Variants in NALF1 observed in about 807,000 individuals in gnomAD.
NALF1 encodes the protein family with sequence similarity 155 member A.
NALF1 carries 3 observed loss-of-function variants against 48.4 expected under a neutral mutation model. That is an observed-to-expected ratio of 0.06 (90% CI 0.03 to 0.16). NALF1 has a LOEUF of 0.16. NALF1 is among the 10% of genes least tolerant of loss of function. The pLI, the probability that NALF1 is intolerant of heterozygous loss-of-function variation, is 1.00. For synonymous variants in NALF1, 262 were observed against 245.7 expected (o/e 1.07, Z -0.62); for missense variants, 526 against 571.5 (o/e 0.92, Z 0.81).
intron 1 of NALF1, among the ~76,000 whole-genome samples, chr13:107,406,520 C>CA (rs1883902144): frequency 3.3e-5 from 5 of 151,644 alleles, no homozygotes; most frequent in African/African-American, 1.2e-4. Context: ...GATGACATAC[C>CA]AAAAAATGAA....
chr13:107,680,070 C>T (rs1881240076), intron 1 of NALF1, among the ~76,000 whole-genome samples: 2 of 152,146 alleles, frequency 1.3e-5, no homozygotes, highest in African/African-American at 4.8e-5. Context: ...CTTCAGAGTC[C>T]CTGCCTGAGT....
intron 1 of NALF1, among the ~76,000 whole-genome samples, chr13:107,379,615 A>G (rs1400105971): frequency 6.6e-6 from 1 of 152,130 alleles, no homozygotes; most frequent in East Asian, 1.9e-4. Flanking sequence ...GTTGCTAATG[A>G]CAGCACAGCC....
At chr13:107,469,024 T>G (rs899906807) in intron 1 of NALF1, among the ~76,000 whole-genome samples, 3 of 152,152 alleles carry the variant, frequency 2.0e-5, no homozygotes, top group African/African-American at 7.2e-5. Flanking sequence ...ATATGAACTT[T>G]AATATTTTCC....
At chr13:107,278,855 T>C (rs1210201946) in intron 1 of NALF1, among the ~76,000 whole-genome samples, 1 of 152,174 alleles carries the variant, frequency 6.6e-6, no homozygotes. Context: ...GAATTTGTTA[T>C]CTATTTTAAA....
In NALF1 at chr13:107,470,974, G is replaced by A. The variant is rs1470506878; in HGVS notation, c.916-260219C>T. 2.6e-5 allele frequency among the ~76,000 whole-genome samples: 4 copies of A among 152,270 alleles called. No individual in the cohort carries two copies. In the South Asian group the frequency reaches 8.3e-4, roughly 32 times the overall value. On this transcript the variant is annotated intron_variant, in intron 1 of 2. Transcript: ENST00000375915. ...TGCTAAAATGAAGGCCAAAAAACTG[G>A]TTTATGATTGAGCAAGAAAAATCAT...
chr13:107,693,981 G>A (rs898013142), intron 1 of NALF1, among the ~76,000 whole-genome samples: 1 of 152,202 alleles, frequency 6.6e-6, no homozygotes, highest in African/African-American at 2.4e-5. Context: ...TAACGTCACA[G>A]TATTGGAGAT....
intron 1 of NALF1, among the ~76,000 whole-genome samples, chr13:107,603,684 A>G (rs1437740807): frequency 2.0e-5 from 3 of 152,226 alleles, no homozygotes; most frequent in Admixed American, 2.0e-4. Context: ...GATTAAAACT[A>G]AAATCCTTGG....
intron 1 of NALF1, among the ~76,000 whole-genome samples, chr13:107,857,369 C>T (rs1880464297): frequency 6.6e-6 from 1 of 152,190 alleles, no homozygotes; most frequent in Middle Eastern, 3.2e-3. Flanking sequence ...AAGTTCACAT[C>T]TTCTACAGTG....
At chr13:107,512,321 G>A (rs1875920886) in intron 1 of NALF1, among the ~76,000 whole-genome samples, 1 of 152,178 alleles carries the variant, frequency 6.6e-6, no homozygotes, top group African/African-American at 2.4e-5. Flanking sequence ...TTGAACCTGG[G>A]AGGCGGAGGT....
chr13:107,370,710 AACATAACTGAGACTGG>A (rs1202207022), intron 1 of NALF1, among the ~76,000 whole-genome samples: 1 of 152,220 alleles, frequency 6.6e-6, no homozygotes, highest in Non-Finnish European at 1.5e-5. Context: ...TGCGAACAAA[AACATAACTGAGACTGG>A]ATATTTTATT....
chr13:107,728,121 G>C (rs1424484253), intron 1 of NALF1, among the ~76,000 whole-genome samples: 3 of 152,184 alleles, frequency 2.0e-5, no homozygotes, highest in African/African-American at 7.2e-5. Flanking sequence ...GTGGAATACA[G>C]TGTGGCAATT....
At chr13:107,588,709 C>T (rs530374359) in intron 1 of NALF1, among the ~76,000 whole-genome samples, 1 of 152,080 alleles carries the variant, frequency 6.6e-6, no homozygotes, top group Admixed American at 6.6e-5. Flanking sequence ...GAAAAATATC[C>T]TTTTAATTTT....
At chr13:107,609,084 C>T (rs906051039) in intron 1 of NALF1, among the ~76,000 whole-genome samples, 3 of 152,082 alleles carry the variant, frequency 2.0e-5, no homozygotes, top group Non-Finnish European at 2.9e-5. Context: ...TTCTTTTCCC[C>T]CTGCCGTTGG....
chr13:107,766,733 C>G (rs950087432), intron 1 of NALF1, among the ~76,000 whole-genome samples: 2 of 152,082 alleles, frequency 1.3e-5, no homozygotes, highest in Non-Finnish European at 2.9e-5. Flanking sequence ...TTTATTAAAA[C>G]AAATTCAAAG....
intron 1 of NALF1, among the ~76,000 whole-genome samples, chr13:107,565,088 AGCATAAGTAAAAGAC>A (rs1877762660): frequency 7.1e-6 from 1 of 141,358 alleles, no homozygotes; most frequent in East Asian, 2.1e-4. Flanking sequence ...AAAAAAACCT[AGCATAAGTAAAAGAC>A]AAAAAAAAAA....
intron 1 of NALF1, among the ~76,000 whole-genome samples, chr13:107,829,683 T>TCA (rs1243391005): frequency 1.3e-5 from 2 of 150,386 alleles, no homozygotes; most frequent in Non-Finnish European, 3.0e-5. Flanking sequence ...GAAAAAAAGA[T>TCA]CATGAGTTTA....
chr13:107,404,844 A>T (rs567944074), intron 1 of NALF1, among the ~76,000 whole-genome samples: 2,339 of 152,184 alleles, frequency 0.015, 28 homozygotes, highest in South Asian at 0.034. Context: ...AGTATAATTT[A>T]GTAGACTGCA....
At chr13:107,279,581 A>G (rs1178695079) in intron 1 of NALF1, among the ~76,000 whole-genome samples, 1 of 151,914 alleles carries the variant, frequency 6.6e-6, no homozygotes, top group Non-Finnish European at 1.5e-5. Context: ...CTAAAGTAAA[A>G]TTCTCCAGAG....
intron 1 of NALF1, among the ~76,000 whole-genome samples, chr13:107,295,460 C>T (rs1881707543): frequency 6.6e-6 from 1 of 152,152 alleles, no homozygotes; most frequent in South Asian, 2.1e-4. Context: ...CTTTCAGTGA[C>T]ATCTCAGATT....
Sources: gnomAD v4.1 joint callset for allele counts (sites outside exome capture counted in the v4.1 genomes callset) on GRCh38, gnomAD v4.1.1 for gene constraint, MANE v1.5 for transcripts, NCBI Gene and HGNC (gene_info 2026-07-23, HGNC 2026-07-21) for gene names.